SHANK1: variants seen among roughly 807,000 people sequenced by gnomAD.
SHANK1 encodes the protein SH3 and multiple ankyrin repeat domains protein 1.
A neutral mutation model predicts 165.6 loss-of-function variants in SHANK1; 35 were observed. The observed-to-expected ratio is 0.21, with a 90% CI of 0.16 to 0.28. The LOEUF (loss-of-function observed/expected upper bound fraction) is 0.28. Among genes scored for constraint, SHANK1 ranks in the 10% least tolerant of loss-of-function variants. The pLI is 1.00. For missense variants in SHANK1, 2,681 were observed against 3,036.4 expected, an observed-to-expected ratio of 0.88 and a Z score of 2.75; for synonymous variants, 1,428 against 1,384.8, an observed-to-expected ratio of 1.03 and a Z score of -0.69.
chr19:50,686,911 C>A lies in SHANK1; in HGVS notation c.2390-99G>T. The A allele has an allele frequency of 7.2e-7, 1 of 1,395,558 alleles. No homozygotes were observed. The highest frequency in any genetic ancestry group is 9.6e-7 in the Non-Finnish European group (1 of 1,042,670). 86.4% of individuals were successfully genotyped at this position (1,395,558 alleles called of 1,614,324 possible). ...TGGCCAGCAGGTGCGGGCCAGTGGG[C>A]GTGGCGGGCGCGAGAGGGGCAGTGA... On this transcript the variant is annotated intron_variant, in intron 19 of 23. Transcript: ENST00000293441. This position sits in a 1 kb window ranked among gnomAD's most constrained non-coding sequence, Gnocchi z 5.7.
In SHANK1 at chr19:50,697,727, G is replaced by T; in HGVS notation, c.1862-63C>A. On this transcript the variant is annotated intron_variant, in intron 13 of 23. Coordinates refer to ENST00000293441, the MANE Select transcript of SHANK1 (RefSeq NM_016148.5). This position sits in a 1 kb window ranked among gnomAD's most constrained non-coding sequence, Gnocchi z 4.7. ...TGGAAACCACAATCCCAGCCCTAGA[G>T]CTCCTGGCCCAAGTCTTCCCATCTA... 1.3e-6 allele frequency: 2 copies of T among 1,567,130 alleles called. No homozygotes were observed. The highest frequency in any genetic ancestry group is 1.8e-6 in the Non-Finnish European group (2 of 1,138,044).
intron 19 of SHANK1, chr19:50,687,164 A>G (rs1405198420): frequency 2.0e-5 from 11 of 541,306 alleles, no homozygotes; most frequent in Non-Finnish European, 3.5e-5. Flanking sequence ...CTGTCCGACC[A>G]GCCCCCTGTC....
At position 50,687,636 on chromosome 19, in the gene SHANK1, G is replaced by T; in HGVS notation, c.2335C>A (p.Pro779Thr). 1 of 1,520,776 alleles carries T rather than the reference G, an allele frequency of 6.6e-7. No homozygotes were observed. Among genetic ancestry groups the T allele is most frequent in the Non-Finnish European group, 8.8e-7 (1 of 1,134,516 alleles). The allele number at this position is 1,520,776 out of a possible 1,614,324, so 94.2% of individuals were successfully genotyped here. ...TTGGAACGCAGGGAGATGGTTGGGG[G>T]CGGCAGCCGCTTGGCCTGCTGGGGT... Reference protein sequence around the residue: ...KAPQQAKRLPPPTISLRSKSM... With the variant: ...KAPQQAKRLPTPTISLRSKSM... The change falls in exon 19 of 24, where the codon CCC (proline) becomes ACC (threonine). Residue 779 changes from proline to threonine, a missense_variant. Physicochemically the swap from Pro to Thr is conservative, Grantham distance 38. Around this residue, in one of 10 missense-constraint regions of SHANK1, gnomAD observed 206 missense variants for 216.0 expected, o/e 0.95. Coordinates refer to ENST00000293441, the MANE Select transcript of SHANK1 (RefSeq NM_016148.5).
intron 6 of SHANK1, among the ~76,000 whole-genome samples, chr19:50,712,840 GC>G (rs2089023754): frequency 6.6e-6 from 1 of 152,200 alleles, no homozygotes; most frequent in Non-Finnish European, 1.5e-5. Context: ...TGGCTAGTGA[GC>G]CTGAGGAACT....
At chr19:50,701,649 T>C (rs1411095049) in intron 12 of SHANK1, among the ~76,000 whole-genome samples, 4 of 152,032 alleles carry the variant, frequency 2.6e-5, no homozygotes, top group Admixed American at 2.6e-4. Context: ...TGCTAGGAAG[T>C]GGTGGGGTCT....
In SHANK1 at chr19:50,662,815, A is replaced by G; in HGVS notation, c.5769-133T>C. The G allele has an allele frequency of 1.1e-6, 1 of 927,004 alleles. No individual in the cohort carries two copies. The highest frequency in any genetic ancestry group is 1.6e-6 in the Non-Finnish European group (1 of 610,218). The allele number at this position is 927,004 out of a possible 1,614,324, so 57.4% of individuals were successfully genotyped here. A position where few individuals can be genotyped will look rare whatever the true frequency, so the allele number is the denominator to read the frequency against. On this transcript the variant is annotated intron_variant, in intron 23 of 23. Transcript: ENST00000293441. The surrounding 1 kb of genome is among the most constrained non-coding windows in gnomAD (Gnocchi z 7.7). ...AAGGGTAGGGGGAGAGACGGAGGAG[A>G]GACGGGAAGAAATGGAGGGAGCAAG... is the stretch of plus-strand genomic sequence containing the variant.
rs1985125560 is a variant in SHANK1 at position 50,659,889 on chromosome 19, A to AGGGG, written c.*2072_*2075dup. ...GGACTGGGGGCATCCGACAAGGGGG[A>AGGGG]GGGGGCGGGTAGGGGTCCAGCGCGG... On this transcript the variant is annotated 3_prime_UTR_variant, in exon 24 of 24. Transcript: ENST00000293441. Among the ~76,000 whole-genome samples, 2 of 143,870 alleles carry AGGGG rather than the reference A, an allele frequency of 1.4e-5. No homozygotes were observed. The highest frequency in any genetic ancestry group is 1.4e-4 in the Admixed American group (2 of 14,250). 94.4% of individuals were successfully genotyped at this position (143,870 alleles called of 152,430 possible). A position where few individuals can be genotyped will look rare whatever the true frequency, so the allele number is the denominator to read the frequency against.
Position 50,667,171 on chromosome 19 carries a change from C to T in SHANK1, c.4789G>A (p.Ala1597Thr). ...GPPHPLPDTPAPATPLPPVPP... is the reference protein window; with the variant it reads ...GPPHPLPDTPTPATPLPPVPP... Reference sequence around the variant, plus strand: ...ACAGGGGGTAACGGGGTGGCAGGGGCAGGTGTGTCGGGCAGCGGGTGGGGA... The same window carrying T: ...ACAGGGGGTAACGGGGTGGCAGGGGTAGGTGTGTCGGGCAGCGGGTGGGGA... The change falls in exon 23 of 24, where the codon GCC (alanine) becomes ACC (threonine). Residue 1597 changes from alanine (A) to threonine (T), a missense_variant. Physicochemically the swap from Ala to Thr is moderately conservative, Grantham distance 58. Coordinates refer to ENST00000293441, the MANE Select transcript of SHANK1 (RefSeq NM_016148.5). The surrounding 1 kb of genome is among the most constrained non-coding windows in gnomAD (Gnocchi z 5.7). 6.4e-7 allele frequency: 1 copy of T among 1,561,990 alleles called. No individual in the cohort carries two copies. The highest frequency in any genetic ancestry group is 8.6e-7 in the Non-Finnish European group (1 of 1,160,618).
At position 50,668,698 on chromosome 19, in the gene SHANK1, G is replaced by C; in HGVS notation, c.3262C>G (p.Pro1088Ala). ...QGPALRYFQLPPRAASAAMYV... is the reference protein window; with the variant it reads ...QGPALRYFQLAPRAASAAMYV... ...ATGGCTGCGCTGGCCGCCCGCGGGG[G>C]CAGCTGGAAATAGCGTAGAGCCGGG... is the stretch of plus-strand genomic sequence containing the variant. Residue 1088 changes from proline to alanine, a missense_variant, in exon 23 of 24, where the codon CCC becomes GCC. By Grantham distance (27) the Pro-to-Ala change is conservative. Transcript: ENST00000293441. 7.7e-7 allele frequency: 1 copy of C among 1,302,794 alleles called. No individual in the cohort carries two copies. Among genetic ancestry groups the C allele is most frequent in the East Asian group, 3.2e-5 (1 of 31,426 alleles). 80.7% of individuals were successfully genotyped at this position (1,302,794 alleles called of 1,614,324 possible).
At chr19:50,685,977 G>C (rs114416003) in intron 21 of SHANK1, among the ~76,000 whole-genome samples, 1 of 151,990 alleles carries the variant, frequency 6.6e-6, no homozygotes. Flanking sequence ...ACAAAGAGGC[G>C]GGGCAAGAGC....
chr19:50,706,277 GC>G (rs2088937928), intron 8 of SHANK1, among the ~76,000 whole-genome samples: 1 of 152,092 alleles, frequency 6.6e-6, no homozygotes, highest in Non-Finnish European at 1.5e-5. Flanking sequence ...TTTCTGCCAG[GC>G]CCAGAAGGAA....
chr19:50,668,721 G>T lies in SHANK1; in HGVS notation c.3239C>A (p.Pro1080Gln). The change falls in exon 23 of 24, where the codon CCG (proline) becomes CAG (glutamine). Residue 1080 changes from proline to glutamine, a missense_variant. Physicochemically the swap from Pro to Gln is moderately conservative, Grantham distance 76. Transcript: ENST00000293441. ...GGGCAGCTGGAAATAGCGTAGAGCC[G>T]GGCCCTGGGAGGAGCCGCCGCCCCC... Reference protein sequence around the residue: ...AGGGGGSSQGPALRYFQLPPR... With the variant: ...AGGGGGSSQGQALRYFQLPPR... The T allele has an allele frequency of 7.8e-7, 1 of 1,285,222 alleles. No individual in the cohort carries two copies. The highest frequency in any genetic ancestry group is 2.7e-5 in the South Asian group (1 of 36,988). 79.6% of individuals were successfully genotyped at this position (1,285,222 alleles called of 1,614,324 possible).
chr19:50,667,995 C>G lies in SHANK1; in HGVS notation c.3965G>C (p.Gly1322Ala). The G allele has an allele frequency of 6.8e-7, 1 of 1,468,522 alleles. No homozygotes were observed. Among genetic ancestry groups the G allele is most frequent in the Non-Finnish European group, 9.0e-7 (1 of 1,115,638 alleles). The allele number at this position is 1,468,522 out of a possible 1,614,324, so 91.0% of individuals were successfully genotyped here. Reference protein sequence around the residue: ...GYGAGSRAYGGGGGSSAFTSF... With the variant: ...GYGAGSRAYGAGGGSSAFTSF... ...GGTGAAGGCGCTGCTGCCCCCGCCACCCCCGTAGGCTCGGCTACCGGCCCC... is the reference window on the plus strand; with the variant it reads ...GGTGAAGGCGCTGCTGCCCCCGCCAGCCCCGTAGGCTCGGCTACCGGCCCC... Residue 1322 changes from glycine (G) to alanine (A), a missense_variant, in exon 23 of 24, where the codon GGT becomes GCT. This residue lies in a region of SHANK1 where 1,713 missense variants were observed against 1,630.2 expected (regional missense o/e 1.05). Coordinates refer to ENST00000293441, the MANE Select transcript of SHANK1 (RefSeq NM_016148.5). The surrounding 1 kb of genome is among the most constrained non-coding windows in gnomAD (Gnocchi z 5.7).
At chr19:50,692,068 C>T (rs1006492750) in intron 15 of SHANK1, among the ~76,000 whole-genome samples, 4 of 152,046 alleles carry the variant, frequency 2.6e-5, no homozygotes, top group African/African-American at 9.7e-5. Flanking sequence ...TATCATTCTT[C>T]AACAATACCC....
chr19:50,671,145 A>C (rs1168932862), intron 22 of SHANK1, among the ~76,000 whole-genome samples: 5 of 121,922 alleles, frequency 4.1e-5, no homozygotes, highest in African/African-American at 1.6e-4. Flanking sequence ...AGCACTCCCT[A>C]TCTCTCTTAC....
At position 50,701,779 on chromosome 19, in the gene SHANK1, G is replaced by T. The variant is rs563862971; in HGVS notation, c.1747+688C>A. On this transcript the variant is annotated intron_variant, in intron 12 of 23. Transcript: ENST00000293441. Reference sequence around the variant, plus strand: ...TTAACGGCCACACCTGCGGCACGTGGTGGTCTCTAAAGCATCCTTCTATCC... The same window carrying T: ...TTAACGGCCACACCTGCGGCACGTGTTGGTCTCTAAAGCATCCTTCTATCC... Among the ~76,000 whole-genome samples, 3 of 152,294 alleles carry T rather than the reference G, an allele frequency of 2.0e-5. No homozygotes were observed. In the South Asian group the frequency reaches 6.2e-4, roughly 32 times the overall value.
chr19:50,695,436 C>T (rs1986707638), intron 15 of SHANK1, among the ~76,000 whole-genome samples: 1 of 80,878 alleles, frequency 1.2e-5, no homozygotes, highest in African/African-American at 4.9e-5. Context: ...GAGGGGAACG[C>T]GGGGGCCCCC....
chr19:50,667,606 C>A lies in SHANK1; in HGVS notation c.4354G>T (p.Ala1452Ser). Residue 1452 changes from alanine (A) to serine (S), a missense_variant, in exon 23 of 24, where the codon GCT becomes TCT. By Grantham distance (99) the Ala-to-Ser change is moderately conservative. Around this residue, in one of 10 missense-constraint regions of SHANK1, gnomAD observed 1,713 missense variants for 1,630.2 expected, o/e 1.05. Coordinates refer to ENST00000293441, the MANE Select transcript of SHANK1 (RefSeq NM_016148.5). This position sits in a 1 kb window ranked among gnomAD's most constrained non-coding sequence, Gnocchi z 5.7. ...RSLLHRLPPTAPGVGPLLLQL... is the reference protein window; with the variant it reads ...RSLLHRLPPTSPGVGPLLLQL... Reference sequence around the variant, plus strand: ...AGCAGGAGGGGCCCCACCCCGGGAGCGGTGGGCGGCAGGCGGTGTAGCAGG... The same window carrying A: ...AGCAGGAGGGGCCCCACCCCGGGAGAGGTGGGCGGCAGGCGGTGTAGCAGG... 1 of 1,429,166 alleles carries A rather than the reference C, an allele frequency of 7.0e-7. No individual in the cohort carries two copies. The highest frequency in any genetic ancestry group is 2.9e-5 in the Admixed American group (1 of 33,904). 88.5% of individuals were successfully genotyped at this position (1,429,166 alleles called of 1,614,324 possible). A position where few individuals can be genotyped will look rare whatever the true frequency, so the allele number is the denominator to read the frequency against.
chr19:50,688,925 C>T lies in SHANK1; in HGVS notation c.2091G>A (p.Pro697=), dbSNP rs935372276. The T allele has an allele frequency of 2.6e-5, 40 of 1,559,120 alleles. No homozygotes were observed. Among genetic ancestry groups the T allele is most frequent in the African/African-American group, 8.2e-5 (6 of 73,030 alleles). The change falls in exon 17 of 24, where the codon CCG becomes CCA. Residue 697 remains proline (P), a synonymous_variant. Transcript: ENST00000293441. This position sits in a 1 kb window ranked among gnomAD's most constrained non-coding sequence, Gnocchi z 6.7. ...IEEFTPTPAF[P]ALQYLESVDE... The stretch of plus-strand genomic sequence containing the variant: ...CCACCGACTCCAGGTACTGCAGCGC[C>T]GGGAAGGCCGGGGTGGGGGTGAACT...
Sources: allele counts gnomAD v4.1 joint callset (sites outside exome capture counted in the v4.1 genomes callset), GRCh38; gene constraint gnomAD v4.1.1; regional missense constraint gnomAD v4.1.1; non-coding constraint Gnocchi (gnomAD v3.1); transcripts MANE v1.5; gene names NCBI Gene and HGNC (gene_info 2026-07-23, HGNC 2026-07-21).